KIFAP3: variants seen among roughly 807,000 people sequenced by gnomAD.
KIFAP3 encodes the protein kinesin associated protein 3, also known as kinesin-associated protein 3.
A neutral mutation model predicts 106.5 loss-of-function variants in KIFAP3; 68 were observed. That is an observed-to-expected ratio of 0.64 (90% CI 0.53 to 0.78). The LOEUF is 0.78. Ranked by LOEUF, KIFAP3 falls within the 30% of genes least tolerant of loss-of-function variation. The pLI is 0.00. For missense variants in KIFAP3, 780 were observed against 941.8 expected (o/e 0.83, Z 2.25); for synonymous variants, 320 against 311.5 (o/e 1.03, Z -0.29).
chr1:169,959,609 T>C (rs2101858865), intron 18 of KIFAP3, among the ~76,000 whole-genome samples: 1 of 152,266 alleles, frequency 6.6e-6, no homozygotes, highest in East Asian at 1.9e-4. Flanking sequence ...TATAACTGTT[T>C]AGAAATCTGT....
chr1:169,961,279 A>C, intron 17 of KIFAP3, 44 bp from the exon 18 acceptor site: 5 of 1,486,496 alleles, frequency 3.4e-6, no homozygotes, highest in Non-Finnish European at 4.6e-6. Flanking sequence ...AAGCTAACTC[A>C]CTTGGCACTC....
chr1:169,948,871 C>A (rs1438734290), intron 19 of KIFAP3, among the ~76,000 whole-genome samples: 2 of 151,902 alleles, frequency 1.3e-5, no homozygotes, highest in Non-Finnish European at 2.9e-5. Context: ...TCTGTAAACA[C>A]TGCACAATGC....
chr1:170,062,455 C>T (rs1671229693), intron 1 of KIFAP3, among the ~76,000 whole-genome samples: 1 of 152,124 alleles, frequency 6.6e-6, no homozygotes, highest in Non-Finnish European at 1.5e-5. Context: ...AATTAGTCTA[C>T]TCACATGTGA....
At chr1:169,934,422 C>A (rs553324579) in intron 19 of KIFAP3, among the ~76,000 whole-genome samples, 1 of 152,210 alleles carries the variant, frequency 6.6e-6, no homozygotes, top group South Asian at 2.1e-4. Flanking sequence ...TAGTTACATG[C>A]TTTTTCATCT....
At chr1:170,079,761 C>G (rs971051969) in intron 1 of KIFAP3, among the ~76,000 whole-genome samples, 3 of 151,060 alleles carry the variant, frequency 2.0e-5, no homozygotes, top group Non-Finnish European at 3.0e-5. Context: ...CTTTGTGGTT[C>G]CATATGGACT....
At chr1:170,067,081 T>C (rs1284645464) in intron 1 of KIFAP3, among the ~76,000 whole-genome samples, 1 of 152,116 alleles carries the variant, frequency 6.6e-6, no homozygotes, top group Non-Finnish European at 1.5e-5. Context: ...ATAGGTTTAA[T>C]AGCAGATTAG....
chr1:169,952,475 G>A lies in KIFAP3; in HGVS notation c.2273+1536C>T, dbSNP rs138134792. Reference sequence around the variant, plus strand: ...AAACAGTTTACATATATATGTATAGGTAGATACATGTATATAAACAAATAT... The same window carrying A: ...AAACAGTTTACATATATATGTATAGATAGATACATGTATATAAACAAATAT... On this transcript the variant is annotated intron_variant, in intron 19 of 19. Coordinates refer to ENST00000361580, the MANE Select transcript of KIFAP3 (RefSeq NM_014970.4). Among the ~76,000 whole-genome samples the A allele has an allele frequency of 5.9e-3, 896 of 152,026 alleles. 5 individuals are homozygous for A. Among genetic ancestry groups the A allele is most frequent in the Admixed American group, 0.01 (153 of 15,284 alleles).
At position 170,082,572 on chromosome 1, in the gene KIFAP3, A is replaced by T. The variant is rs1309908309; in HGVS notation, n.174+2463T>A. Among the ~76,000 whole-genome samples the T allele has an allele frequency of 2.0e-5, 3 of 152,242 alleles. No homozygotes were observed. In the East Asian group the frequency reaches 5.8e-4, roughly 29 times the overall value. On this transcript the variant is annotated intron_variant and non_coding_transcript_variant, in intron 1 of 5. Coordinates refer to the KIFAP3 transcript ENST00000490550. ...TAAAAATTTTGTATAAAAATAAATT[A>T]TACTTTCTCTTTGTTGTATATAAAT...
In KIFAP3 at chr1:170,061,018, G is replaced by A. The variant is rs1479522920; in HGVS notation, c.33-5582C>T. On this transcript the variant is annotated intron_variant, in intron 1 of 19. Transcript: ENST00000361580. ...CCTTATACAAAAATTAATTCAAGGT[G>A]GATTAAAGACTTAAATGTTAGACCT... Among the ~76,000 whole-genome samples, 4 of 152,260 alleles carry A rather than the reference G, an allele frequency of 2.6e-5. No homozygotes were observed. In the East Asian group the frequency reaches 7.7e-4, roughly 29 times the overall value.
Position 169,954,031 on chromosome 1 carries a change from C to G in KIFAP3, c.2253G>C (p.Gly751=). ...TTTACCTGCCAGGAAATGAATGCTG[C>G]CCAACAACATCTCCATTTTGAAGGT... ...DYHLQNGDVV[G]QHSFPGSLGM... The change falls in exon 19 of 20, where the codon GGG becomes GGC. Residue 751 remains glycine, a synonymous_variant. Coordinates refer to ENST00000361580, the MANE Select transcript of KIFAP3 (RefSeq NM_014970.4). The G allele has an allele frequency of 1.2e-6, 2 of 1,612,664 alleles. No individual in the cohort carries two copies. Among genetic ancestry groups the G allele is most frequent in the Non-Finnish European group, 1.7e-6 (2 of 1,178,860 alleles).
chr1:170,020,809 A>T (rs1339642589), intron 9 of KIFAP3, among the ~76,000 whole-genome samples: 1 of 152,222 alleles, frequency 6.6e-6, no homozygotes, highest in African/African-American at 2.4e-5. Flanking sequence ...AAAAACATAA[A>T]TCTTGGTCCA....
intron 3 of KIFAP3, 77 bp from the exon 4 acceptor site, chr1:170,039,365 G>A: frequency 1.3e-6 from 1 of 740,934 alleles, no homozygotes; most frequent in Non-Finnish European, 2.3e-6. Flanking sequence ...CAGCAGCTGA[G>A]TTTAACTCTA....
At chr1:170,049,841 C>T (rs1304014496) in intron 2 of KIFAP3, among the ~76,000 whole-genome samples, 2 of 151,004 alleles carry the variant, frequency 1.3e-5, no homozygotes. Flanking sequence ...ATACAAGGGT[C>T]ATCAGCCTCA....
chr1:169,992,895 C>T (rs2101935987), intron 10 of KIFAP3, among the ~76,000 whole-genome samples: 1 of 152,058 alleles, frequency 6.6e-6, no homozygotes, highest in East Asian at 1.9e-4. Context: ...TTATTTAATC[C>T]TACCTGCTTT....
At chr1:169,980,303 G>A (rs1666449402) in intron 15 of KIFAP3, among the ~76,000 whole-genome samples, 1 of 152,116 alleles carries the variant, frequency 6.6e-6, no homozygotes, top group Non-Finnish European at 1.5e-5. Flanking sequence ...ATTATGCCTA[G>A]TACAAGATGA....
chr1:170,060,215 G>A (rs1187887023), intron 1 of KIFAP3, among the ~76,000 whole-genome samples: 1 of 152,164 alleles, frequency 6.6e-6, no homozygotes, highest in African/African-American at 2.4e-5. Flanking sequence ...AAAAGAGGAA[G>A]TCAAATTGTC....
intron 19 of KIFAP3, among the ~76,000 whole-genome samples, chr1:169,923,616 G>C (rs1662946557): frequency 6.6e-6 from 1 of 152,114 alleles, no homozygotes; most frequent in South Asian, 2.1e-4. Context: ...TTAATCTTAT[G>C]CTTGTTTCTC....
At chr1:169,993,622 C>CTG (rs1421439648) in intron 10 of KIFAP3, among the ~76,000 whole-genome samples, 84 of 5,452 alleles carry the variant, frequency 0.015, 42 homozygotes, top group South Asian at 0.059. Context: ...TAGCAAGCTT[C>CTG]AGGCAGGTGA....
chr1:170,022,853 A>T (rs1668917890), intron 9 of KIFAP3, among the ~76,000 whole-genome samples: 2 of 152,164 alleles, frequency 1.3e-5, no homozygotes, highest in Non-Finnish European at 2.9e-5. Flanking sequence ...ACTTTTAATA[A>T]TAGTCAAGAT....
Sources: allele counts gnomAD v4.1 joint callset (sites outside exome capture counted in the v4.1 genomes callset), GRCh38; gene constraint gnomAD v4.1.1; transcripts MANE v1.5; gene names NCBI Gene and HGNC (gene_info 2026-07-23, HGNC 2026-07-21).